ZNF30: variants seen among roughly 807,000 people sequenced by gnomAD.
ZNF30 encodes the protein zinc finger protein 30, also known as zinc finger protein 30 (KOX 28).
In ZNF30, 15 loss-of-function variants were observed where a neutral mutation model predicts 13.2. The observed-to-expected ratio is 1.13, with a 90% CI of 0.76 to 1.75. The LOEUF is 1.75. ZNF30 is among the 40% of genes most tolerant of loss of function. The pLI is 0.00. For synonymous variants in ZNF30, 223 were observed against 256.6 expected, an observed-to-expected ratio of 0.87 and a Z score of 1.25; for missense variants, 726 against 757.0, an observed-to-expected ratio of 0.96 and a Z score of 0.48.
chr19:34,925,751 C>T (rs1052016602), upstream of ZNF30, among the ~76,000 whole-genome samples: 8 of 152,154 alleles, frequency 5.3e-5, no homozygotes, highest in Non-Finnish European at 1.0e-4. Flanking sequence ...CCCAGCACCT[C>T]CCTTTCCCCC....
At chr19:34,928,220 A>AAAAAT (rs1555778254) in intron 1 of ZNF30, among the ~76,000 whole-genome samples, 88 of 73,344 alleles carry the variant, frequency 1.2e-3, no homozygotes, top group Non-Finnish European at 1.4e-3. Flanking sequence ...AAAAAAAAAA[A>AAAAAT]ATATATATAT....
intron 3 of ZNF30, among the ~76,000 whole-genome samples, chr19:34,932,767 C>T (rs974452934): frequency 9.3e-5 from 14 of 150,344 alleles, no homozygotes; most frequent in African/African-American, 3.0e-4. Context: ...TTCTCAATCA[C>T]AATGTCATAC....
intron 4 of ZNF30, among the ~76,000 whole-genome samples, chr19:34,934,809 T>C (rs966337780): frequency 6.6e-6 from 1 of 152,102 alleles, no homozygotes; most frequent in Admixed American, 6.5e-5. Context: ...AAATACATAA[T>C]GAACACAGGG....
rs535993910 is a variant in ZNF30 at position 34,943,792 on chromosome 19, G to A, written c.826G>A (p.Val276Ile). The change falls in exon 5 of 5, where the codon GTT (valine) becomes ATT (isoleucine). Residue 276 changes from valine (V) to isoleucine (I), a missense_variant. Transcript: ENST00000601142. ...GKAFSTFSYL[V>I]QHQRIHTSEK... The stretch of plus-strand genomic sequence containing the variant: ...GGCCTTCAGTACCTTTTCATACCTG[G>A]TTCAACATCAGCGAATTCATACCAG... The A allele has an allele frequency of 8.1e-6, 13 of 1,613,562 alleles. 1 individual carries two copies. Among genetic ancestry groups the A allele is most frequent in the Middle Eastern group, 1.7e-4 (1 of 6,058 alleles).
upstream of ZNF30, among the ~76,000 whole-genome samples, chr19:34,924,442 A>G (rs1219621205): frequency 6.6e-6 from 1 of 152,090 alleles, no homozygotes; most frequent in Non-Finnish European, 1.5e-5. Context: ...CTCCCAAACA[A>G]ATTTCTGCCC....
intron 1 of ZNF30, 65 bp from the exon 2 acceptor site, chr19:34,929,818 GA>G (rs2012341452): frequency 1.2e-6 from 1 of 815,250 alleles, no homozygotes. Flanking sequence ...GAAGGGACAG[GA>G]AGGTTTATTA....
intron 4 of ZNF30, among the ~76,000 whole-genome samples, chr19:34,936,889 C>G (rs1483536932): frequency 6.6e-6 from 1 of 152,044 alleles, no homozygotes; most frequent in Non-Finnish European, 1.5e-5. Flanking sequence ...GAGAAAACCC[C>G]TGTCTCAAAA....
chr19:34,932,301 T>C (rs186670379), intron 3 of ZNF30, among the ~76,000 whole-genome samples: 20 of 152,334 alleles, frequency 1.3e-4, no homozygotes, highest in African/African-American at 4.8e-4. Context: ...TTGTTCTATC[T>C]GAAGACCTAT....
Position 34,933,725 on chromosome 19 carries a change from T to A in ZNF30, c.256+2T>A. On this transcript the variant is annotated splice_donor_variant, in intron 4 of 4. Transcript: ENST00000601142. LOFTEE classifies it high-confidence loss of function. ...AAGATGGAAGAAGATGGTGCACAGGTGAGTAAGAGCATGGCAGGTAGGGAG... is the reference window on the plus strand; with the variant it reads ...AAGATGGAAGAAGATGGTGCACAGGAGAGTAAGAGCATGGCAGGTAGGGAG... 1 of 1,572,592 alleles carries A rather than the reference T, an allele frequency of 6.4e-7. No individual in the cohort carries two copies.
chr19:34,930,048 C>A, intron 2 of ZNF30, 92 bp downstream of exon 2: 1 of 1,271,616 alleles, frequency 7.9e-7, no homozygotes, highest in Non-Finnish European at 1.1e-6. Context: ...TCAGAATGTA[C>A]CATCTAATTG....
chr19:34,942,931 A>G (rs1282033112), intron 4 of ZNF30, among the ~76,000 whole-genome samples: 2 of 152,234 alleles, frequency 1.3e-5, no homozygotes, highest in African/African-American at 4.8e-5. Flanking sequence ...AACTTCCCCT[A>G]TGTCTGATTC....
At chr19:34,942,209 G>A (rs1490283895) in intron 4 of ZNF30, among the ~76,000 whole-genome samples, 3 of 152,134 alleles carry the variant, frequency 2.0e-5, no homozygotes, top group African/African-American at 7.2e-5. Flanking sequence ...TTGGGAGGGT[G>A]AAGTGGGAGG....
intron 4 of ZNF30, 44 bp from the exon 5 acceptor site, chr19:34,943,179 T>G: frequency 7.2e-7 from 1 of 1,390,358 alleles, no homozygotes; most frequent in Non-Finnish European, 9.4e-7. Flanking sequence ...CCTAGAATTT[T>G]TTTTCAAATA....
chr19:34,928,096 T>C (rs1213300751), intron 1 of ZNF30, among the ~76,000 whole-genome samples: 1 of 151,196 alleles, frequency 6.6e-6, no homozygotes, highest in Non-Finnish European at 1.5e-5. Context: ...TCACAGCTAC[T>C]TGAGAGGCGG....
intron 1 of ZNF30, among the ~76,000 whole-genome samples, chr19:34,929,433 C>A (rs562962101): frequency 6.6e-6 from 1 of 152,348 alleles, no homozygotes; most frequent in African/African-American, 2.4e-5. Flanking sequence ...GATGAGAAAA[C>A]TGAGCCATAT....
intron 2 of ZNF30, among the ~76,000 whole-genome samples, chr19:34,931,493 A>T (rs538239196): frequency 6.6e-6 from 1 of 152,242 alleles, no homozygotes; most frequent in Non-Finnish European, 1.5e-5. Context: ...AATCATAGCT[A>T]TTTTCTTCTT....
rs1281072655 is a variant in ZNF30, at chr19:34,945,090, C to T, written c.*252C>T. ...TATTACTTAATGGTTACAGCACTGACAGCATGAACTTTTATATGATGCATT... is the reference window on the plus strand; with the variant it reads ...TATTACTTAATGGTTACAGCACTGATAGCATGAACTTTTATATGATGCATT... On this transcript the variant is annotated 3_prime_UTR_variant, in exon 5 of 5. Coordinates refer to ENST00000601142, the MANE Select transcript of ZNF30 (RefSeq NM_194325.3). The T allele has an allele frequency of 1.3e-5, 5 of 395,526 alleles. No homozygotes were observed. The highest frequency in any genetic ancestry group is 1.0e-4 in the African/African-American group (5 of 49,122). 24.5% of individuals were successfully genotyped at this position (395,526 alleles called of 1,614,324 possible). A position where few individuals can be genotyped will look rare whatever the true frequency, so the allele number is the denominator to read the frequency against.
At chr19:34,935,256 A>G (rs2012667588) in intron 4 of ZNF30, among the ~76,000 whole-genome samples, 2 of 151,502 alleles carry the variant, frequency 1.3e-5, no homozygotes, top group African/African-American at 2.4e-5. Context: ...TTTAAAAACA[A>G]TTTTTATAAA....
At position 34,927,562 on chromosome 19, in the gene ZNF30, G is replaced by A. The variant is rs114521355; in HGVS notation, c.-65+346G>A. Among the ~76,000 whole-genome samples the A allele has an allele frequency of 6.9e-3, 1,052 of 152,324 alleles. 17 individuals carry two copies. The highest frequency in any genetic ancestry group is 0.024 in the African/African-American group (998 of 41,576). Reference sequence around the variant, plus strand: ...TTTAAAGATGAGAGCAATGTCATCTGAAAATTATCAGTGCAGGGAAAAGGA... The same window carrying A: ...TTTAAAGATGAGAGCAATGTCATCTAAAAATTATCAGTGCAGGGAAAAGGA... On this transcript the variant is annotated intron_variant, in intron 1 of 4. Transcript: ENST00000601142.
Sources: allele counts gnomAD v4.1 joint callset (sites outside exome capture counted in the v4.1 genomes callset), GRCh38; gene constraint gnomAD v4.1.1; transcripts MANE v1.5; gene names NCBI Gene and HGNC (gene_info 2026-07-23, HGNC 2026-07-21).